RBM23: variants seen among roughly 807,000 people sequenced by gnomAD.
The protein encoded by RBM23 is probable RNA-binding protein 23.
RBM23 carries 53 observed loss-of-function variants against 56.2 expected under a neutral mutation model. That is an observed-to-expected ratio of 0.94 (90% CI 0.76 to 1.19). The LOEUF is 1.19. RBM23 is among the 50% of genes most tolerant of loss of function. The pLI is 0.00. For synonymous variants in RBM23, 197 were observed against 198.5 expected, an observed-to-expected ratio of 0.99 and a Z score of 0.06; for missense variants, 642 against 590.3, an observed-to-expected ratio of 1.09 and a Z score of -0.91.
chr14:22,905,166 C>T lies in RBM23; in HGVS notation c.654G>A (p.Gln218=), dbSNP rs773711516. Residue 218 remains glutamine, a synonymous_variant, in exon 8 of 14, where the codon CAG becomes CAA. Coordinates refer to ENST00000359890, the MANE Select transcript of RBM23 (RefSeq NM_001077351.2). Reference sequence around the variant, plus strand: ...TCAGCCCAATGGCCAGTGGCACAGACTGGATTTCACAGAATTCCACGTAGG... The same window carrying T: ...TCAGCCCAATGGCCAGTGGCACAGATTGGATTTCACAGAATTCCACGTAGG... ...GIAYVEFCEI[Q]SVPLAIGLTG... The T allele has an allele frequency of 6.2e-7, 1 of 1,614,224 alleles. No individual in the cohort carries two copies. The highest frequency in any genetic ancestry group is 2.2e-5 in the East Asian group (1 of 44,890).
In RBM23 at chr14:22,896,950, T is replaced by G. The variant is rs915479559; in HGVS notation, c.*4780A>C. On this transcript the variant is annotated 3_prime_UTR_variant, in exon 14 of 14. Coordinates refer to ENST00000359890, the MANE Select transcript of RBM23 (RefSeq NM_001077351.2). ...CTGCATCCAGCTCGTGACTATTGCCTTCACCTGGTTGCCATGGAAACATCA... is the reference window on the plus strand; with the variant it reads ...CTGCATCCAGCTCGTGACTATTGCCGTCACCTGGTTGCCATGGAAACATCA... 1 of 152,222 alleles carries G rather than the reference T, an allele frequency of 6.6e-6. No individual in the cohort carries two copies. The highest frequency in any genetic ancestry group is 2.4e-5 in the African/African-American group (1 of 41,464). The allele number at this position is 152,222 out of a possible 1,614,324, so 9.4% of individuals were successfully genotyped here. A position where few individuals can be genotyped will look rare whatever the true frequency, so the allele number is the denominator to read the frequency against.
chr14:22,906,133 G>A (rs776580433), intron 5 of RBM23, 62 bp downstream of exon 5: 11 of 1,569,780 alleles, frequency 7.0e-6, no homozygotes, highest in Middle Eastern at 1.7e-4. Flanking sequence ...AGGGTTCATA[G>A]TGCATTTGTT....
In RBM23 at chr14:22,906,300, C is replaced by T. The variant is rs184580617; in HGVS notation, c.296G>A (p.Arg99His). The T allele has an allele frequency of 1.5e-5, 24 of 1,614,226 alleles. No homozygotes were observed. In the East Asian group the frequency reaches 3.3e-4, roughly 22 times the overall value. The change falls in exon 5 of 14, where the codon CGT becomes CAT. Residue 99 changes from arginine (R) to histidine (H), a missense_variant. Coordinates refer to ENST00000359890, the MANE Select transcript of RBM23 (RefSeq NM_001077351.2). ...ACGATCCCAGCTACGGCTACGGTGA[C>T]GACACTGCCGACCTGGACTTCGGCT... ...SRSRSPGRQCRHRSRSWDRRH... is the reference protein window; with the variant it reads ...SRSRSPGRQCHHRSRSWDRRH...
intron 1 of RBM23, among the ~76,000 whole-genome samples, chr14:22,915,400 TGTTA>T (rs142181795): frequency 0.013 from 1,943 of 150,772 alleles, 16 homozygotes; most frequent in Middle Eastern, 0.021. Flanking sequence ...AGGTTTTCCG[TGTTA>T]GTCAGGCTGG....
rs2044125269 is a variant in RBM23, at chr14:22,919,031, C to T, written c.-43G>A. 6.6e-6 allele frequency: 1 copy of T among 152,126 alleles called. No homozygotes were observed. The highest frequency in any genetic ancestry group is 1.5e-5 in the Non-Finnish European group (1 of 68,044). The allele number at this position is 152,126 out of a possible 1,614,324, so 9.4% of individuals were successfully genotyped here. ...GGGTCCCCGCAGGGGGGTCCCGGTT[C>T]TCTCCGTTCCTTTGAGTATGTTGTG... On this transcript the variant is annotated 5_prime_UTR_variant, in exon 1 of 14. Coordinates refer to ENST00000359890, the MANE Select transcript of RBM23 (RefSeq NM_001077351.2).
intron 6 of RBM23, 37 bp from the exon 7 acceptor site, chr14:22,905,490 T>A (rs774420938): frequency 1.2e-6 from 2 of 1,602,134 alleles, no homozygotes; most frequent in South Asian, 2.2e-5. Flanking sequence ...GCCCTCCCAA[T>A]ACCTGGTCAT....
Position 22,897,403 on chromosome 14 carries a change from G to C in RBM23, c.*4327C>G, listed in dbSNP as rs2040264475. 6.6e-6 allele frequency: 1 copy of C among 152,164 alleles called. No homozygotes were observed. 9.4% of individuals were successfully genotyped at this position (152,164 alleles called of 1,614,324 possible). On this transcript the variant is annotated 3_prime_UTR_variant, in exon 14 of 14. Transcript: ENST00000359890. ...CTAGGAAAGCTTCAGGGTCTTAAAG[G>C]ACAGGACTTTGATCAGCAGAAGGAG...
intron 7 of RBM23, 36 bp from the exon 8 acceptor site, chr14:22,905,282 T>A (rs1381002005): frequency 1.2e-5 from 20 of 1,613,816 alleles, no homozygotes; most frequent in Non-Finnish European, 1.6e-5. Context: ...GAGTTAGGCA[T>A]AAAGGGAGAT....
rs897929873 is a variant in RBM23 at position 22,901,659 on chromosome 14, G to A, written c.*71C>T. 6.4e-7 allele frequency: 1 copy of A among 1,572,028 alleles called. No individual in the cohort carries two copies. Among genetic ancestry groups the A allele is most frequent in the Non-Finnish European group, 8.8e-7 (1 of 1,142,266 alleles). On this transcript the variant is annotated 3_prime_UTR_variant, in exon 14 of 14. Coordinates refer to ENST00000359890, the MANE Select transcript of RBM23 (RefSeq NM_001077351.2). ...GCTTGGTCCACAAAATGGAGAAATG[G>A]GGCCATGGAAGAGTAGATGTGAAGT...
Position 22,896,778 on chromosome 14 carries a change from C to G in RBM23, c.*4952G>C, listed in dbSNP as rs531745189. The G allele has an allele frequency of 6.6e-6, 1 of 152,314 alleles. No individual in the cohort carries two copies. The highest frequency in any genetic ancestry group is 1.5e-5 in the Non-Finnish European group (1 of 68,036). The allele number at this position is 152,314 out of a possible 1,614,324, so 9.4% of individuals were successfully genotyped here. On this transcript the variant is annotated 3_prime_UTR_variant, in exon 14 of 14. Coordinates refer to ENST00000359890, the MANE Select transcript of RBM23 (RefSeq NM_001077351.2). ...GATCTAAGTTGGTTGGTCTGCTTCA[C>G]CTCACTTTCACAGAGCTCTCTCAAC...
chr14:22,905,078 T>G lies in RBM23; in HGVS notation c.726+16A>C, dbSNP rs1367495754. On this transcript the variant is annotated intron_variant, in intron 8 of 13. Coordinates refer to ENST00000359890, the MANE Select transcript of RBM23 (RefSeq NM_001077351.2). ...TCTCCCCTTAAAATCTTATGTCTGT[T>G]TCTCAGCCTGCTCACCTGTGAAGCC... 1 of 1,613,986 alleles carries G rather than the reference T, an allele frequency of 6.2e-7. No homozygotes were observed.
chr14:22,904,786 C>T (rs1227064147), intron 9 of RBM23, 89 bp downstream of exon 9: 13 of 1,563,680 alleles, frequency 8.3e-6, no homozygotes, highest in South Asian at 8.3e-5. Flanking sequence ...AGGTTAATCA[C>T]GGCCAGGCAC....
At position 22,897,014 on chromosome 14, in the gene RBM23, T is replaced by A. The variant is rs1327228677; in HGVS notation, c.*4716A>T. On this transcript the variant is annotated 3_prime_UTR_variant, in exon 14 of 14. Transcript: ENST00000359890. ...GGCAAGCAGCACTTTAGAAAGAAAG[T>A]ATCACAGGCTACCATGGTAACATCA... The A allele has an allele frequency of 6.6e-6, 1 of 152,174 alleles. No homozygotes were observed. The highest frequency in any genetic ancestry group is 1.5e-5 in the Non-Finnish European group (1 of 68,034). 9.4% of individuals were successfully genotyped at this position (152,174 alleles called of 1,614,324 possible).
rs1353296340 is a variant in RBM23, at chr14:22,895,101, T to G, written c.*6629A>C. The G allele has an allele frequency of 6.6e-6, 1 of 151,990 alleles. No homozygotes were observed. Among genetic ancestry groups the G allele is most frequent in the Non-Finnish European group, 1.5e-5 (1 of 68,052 alleles). The allele number at this position is 151,990 out of a possible 1,614,324, so 9.4% of individuals were successfully genotyped here. On this transcript the variant is annotated 3_prime_UTR_variant, in exon 14 of 14. Transcript: ENST00000359890. ...AAGGCCCAGTGCAGTGGCTCAGGAC[T>G]GTAATCCCAGCACTTTGGGAGGCCA...
chr14:22,910,969 C>G (rs2042413687), intron 2 of RBM23, among the ~76,000 whole-genome samples: 1 of 152,112 alleles, frequency 6.6e-6, no homozygotes, highest in Admixed American at 6.6e-5. Context: ...CAAGATTGTG[C>G]CACTGCACTC....
At chr14:22,902,827 T>C (rs1309366203) in intron 10 of RBM23, 25 of 941,620 alleles carry the variant, frequency 2.7e-5, no homozygotes, top group Non-Finnish European at 3.1e-5. Context: ...GAGGCTAGAG[T>C]GCAGTGGCAC....
Position 22,906,237 on chromosome 14 carries a change from C to G in RBM23, c.359G>C (p.Arg120Pro), listed in dbSNP as rs200437602. 1 of 1,614,212 alleles carries G rather than the reference C, an allele frequency of 6.2e-7. No homozygotes were observed. Among genetic ancestry groups the G allele is most frequent in the East Asian group, 2.2e-5 (1 of 44,890 alleles). ...ACTCCTGTAATGCACACGATCCTCA[C>G]GACGATGGTCCCGACTTCGCGACTC... ...GSESRSRDHR[R>P]EDRVHYRSPP... is the part of the protein sequence containing the mutation. The change falls in exon 5 of 14, where the codon CGT becomes CCT. Residue 120 changes from arginine (R) to proline (P), a missense_variant. Physicochemically the swap from Arg to Pro is moderately radical, Grantham distance 103. Coordinates refer to ENST00000359890, the MANE Select transcript of RBM23 (RefSeq NM_001077351.2).
rs1167599905 is a variant in RBM23 at position 22,894,449 on chromosome 14, G to C, written c.*7281C>G. On this transcript the variant is annotated 3_prime_UTR_variant, in exon 14 of 14. Transcript: ENST00000359890. ...AATACTTACTCAGGTCGGGCAATTGGCTCACGCCTGTAATCCCAGCACTTT... is the reference window on the plus strand; with the variant it reads ...AATACTTACTCAGGTCGGGCAATTGCCTCACGCCTGTAATCCCAGCACTTT... 1 of 152,262 alleles carries C rather than the reference G, an allele frequency of 6.6e-6. No individual in the cohort carries two copies. The highest frequency in any genetic ancestry group is 1.5e-5 in the Non-Finnish European group (1 of 68,052). 9.4% of individuals were successfully genotyped at this position (152,262 alleles called of 1,614,324 possible).
At position 22,906,228 on chromosome 14, in the gene RBM23, C is replaced by T. The variant is rs767422029; in HGVS notation, c.368G>A (p.Arg123His). Residue 123 changes from arginine (R) to histidine (H), a missense_variant, in exon 5 of 14, where the codon CGT (arginine) becomes CAT (histidine). Physicochemically the swap from Arg to His is conservative, Grantham distance 29. Coordinates refer to ENST00000359890, the MANE Select transcript of RBM23 (RefSeq NM_001077351.2). ...SRSRDHRRED[R>H]VHYRSPPLAT... ...AAGTGGAGGACTCCTGTAATGCACA[C>T]GATCCTCACGACGATGGTCCCGACT... The T allele has an allele frequency of 1.5e-5, 24 of 1,614,102 alleles. No homozygotes were observed. Among genetic ancestry groups the T allele is most frequent in the Admixed American group, 3.3e-5 (2 of 60,008 alleles).
Sources: allele counts gnomAD v4.1 joint callset (sites outside exome capture counted in the v4.1 genomes callset), GRCh38; gene constraint gnomAD v4.1.1; transcripts MANE v1.5; gene names NCBI Gene and HGNC (gene_info 2026-07-23, HGNC 2026-07-21).